The following LRRC7 variants were observed in gnomAD, a reference collection of about 807,000 sequenced individuals.
LRRC7 encodes the protein leucine-rich repeat-containing protein 7.
In LRRC7, 23 loss-of-function variants were observed where a neutral mutation model predicts 175.7. The ratio of observed to expected loss-of-function variants is 0.13; its 90% confidence interval spans 0.09 to 0.19. LRRC7 has a LOEUF of 0.19. Among genes scored for constraint, LRRC7 ranks in the 10% least tolerant of loss-of-function variants. The pLI is 1.00. For missense variants in LRRC7, 1,354 were observed against 1,904.7 expected (o/e 0.71, Z 5.38); for synonymous variants, 685 against 680.9 (o/e 1.01, Z -0.09).
At chr1:69,760,955 G>GCA (rs1399863143) in intron 3 of LRRC7, among the ~76,000 whole-genome samples, 2 of 117,148 alleles carry the variant, frequency 1.7e-5, no homozygotes, top group African/African-American at 3.5e-5. Context: ...CAAACTTTGT[G>GCA]CACATACACA....
chr1:69,933,727 G>A (rs181699428), intron 8 of LRRC7, among the ~76,000 whole-genome samples: 12 of 152,146 alleles, frequency 7.9e-5, no homozygotes, highest in South Asian at 4.2e-4. Context: ...TGTGTGAATC[G>A]GTATTTTACT....
intron 25 of LRRC7, among the ~76,000 whole-genome samples, chr1:70,106,093 A>C (rs1265800195): frequency 6.6e-6 from 1 of 152,166 alleles, no homozygotes; most frequent in Non-Finnish European, 1.5e-5. Context: ...AACAAGCAAG[A>C]ATATCAAAAT....
At chr1:69,641,326 C>T (rs1306274157) in intron 1 of LRRC7, among the ~76,000 whole-genome samples, 1 of 151,576 alleles carries the variant, frequency 6.6e-6, no homozygotes, top group East Asian at 1.9e-4. Context: ...ATGGGCAGTA[C>T]TTTAAGTTTG....
rs983237808 is a variant in LRRC7, at chr1:70,138,605, A to C, written c.*16718A>C. ...ACCTCATAGAAAGTTGAGAGGATTAATCAAATTGTTTCAAAATTTTTAAGG... is the reference window on the plus strand; with the variant it reads ...ACCTCATAGAAAGTTGAGAGGATTACTCAAATTGTTTCAAAATTTTTAAGG... On this transcript the variant is annotated 3_prime_UTR_variant, in exon 27 of 27. Coordinates refer to ENST00000651989, the MANE Select transcript of LRRC7 (RefSeq NM_001370785.2). 6.6e-6 allele frequency: 1 copy of C among 152,244 alleles called. No individual in the cohort carries two copies. The highest frequency in any genetic ancestry group is 1.5e-5 in the Non-Finnish European group (1 of 68,030). The allele number at this position is 152,244 out of a possible 1,614,324, so 9.4% of individuals were successfully genotyped here. A position where few individuals can be genotyped will look rare whatever the true frequency, so the allele number is the denominator to read the frequency against.
intron 1 of LRRC7, among the ~76,000 whole-genome samples, chr1:69,577,916 G>A (rs1646024173): frequency 6.6e-6 from 1 of 152,092 alleles, no homozygotes; most frequent in African/African-American, 2.4e-5. Flanking sequence ...ATTCTTTGAA[G>A]AAAGTCATTG....
intron 23 of LRRC7, among the ~76,000 whole-genome samples, chr1:70,061,422 G>A (rs1661568171): frequency 6.6e-6 from 1 of 152,110 alleles, no homozygotes; most frequent in South Asian, 2.1e-4. Flanking sequence ...TATAAAGGCT[G>A]CATTGGTTTC....
chr1:69,903,435 G>A (rs1646196514), intron 7 of LRRC7, among the ~76,000 whole-genome samples: 1 of 152,274 alleles, frequency 6.6e-6, no homozygotes, highest in South Asian at 2.1e-4. Context: ...GAGGGACGGT[G>A]CACTCTGGCC....
intron 5 of LRRC7, among the ~76,000 whole-genome samples, chr1:69,833,691 A>C (rs985831223): frequency 1.3e-5 from 2 of 152,016 alleles, no homozygotes; most frequent in Admixed American, 6.6e-5. Flanking sequence ...AGGAGAGAAC[A>C]AGCAGTGATG....
At chr1:69,694,189 G>T (rs1415388937) in intron 2 of LRRC7, among the ~76,000 whole-genome samples, 3 of 152,102 alleles carry the variant, frequency 2.0e-5, no homozygotes, top group Non-Finnish European at 2.9e-5. Context: ...TAATTCCTGA[G>T]ATTTCTAGAG....
intron 26 of LRRC7, 91 bp from the exon 27 acceptor site, chr1:70,121,689 G>C: frequency 1.3e-6 from 1 of 781,554 alleles, no homozygotes; most frequent in East Asian, 2.7e-5. Flanking sequence ...ACTTTTTGTT[G>C]CTCAGTGCTC....
Position 70,138,433 on chromosome 1 carries a change from C to T in LRRC7, c.*16546C>T, listed in dbSNP as rs1174904897. The T allele has an allele frequency of 4.6e-5, 7 of 152,026 alleles. No individual in the cohort carries two copies. In the East Asian group the frequency reaches 1.2e-3, roughly 25 times the overall value. 9.4% of individuals were successfully genotyped at this position (152,026 alleles called of 1,614,324 possible). ...AAGTCTTTTTTTAAAATTCCAAATA[C>T]TTGTGGTAGTAGAAAGCAATAAATA... On this transcript the variant is annotated 3_prime_UTR_variant, in exon 27 of 27. Coordinates refer to ENST00000651989, the MANE Select transcript of LRRC7 (RefSeq NM_001370785.2).
intron 17 of LRRC7, 55 bp from the exon 18 acceptor site, chr1:70,028,116 T>G (rs550456814): frequency 6.9e-7 from 1 of 1,452,608 alleles, no homozygotes; most frequent in African/African-American, 1.4e-5. Context: ...GATAGTTTTG[T>G]GAACATGCTT....
At chr1:70,121,289 G>C (rs903656197) in intron 26 of LRRC7, among the ~76,000 whole-genome samples, 1 of 152,036 alleles carries the variant, frequency 6.6e-6, no homozygotes, top group African/African-American at 2.4e-5. Flanking sequence ...TAATGTAAAA[G>C]TGTATAAACC....
intron 25 of LRRC7, among the ~76,000 whole-genome samples, chr1:70,093,515 T>C (rs1664175675): frequency 6.6e-6 from 1 of 152,170 alleles, no homozygotes; most frequent in Non-Finnish European, 1.5e-5. Context: ...TACATGCCTC[T>C]ATCTGCAAAT....
At chr1:69,781,964 GA>G in intron 3 of LRRC7, among the ~76,000 whole-genome samples, 1 of 148,548 alleles carries the variant, frequency 6.7e-6, no homozygotes, top group East Asian at 2.0e-4. Context: ...AAGAAAGAAA[GA>G]AAAAGAAAGA....
intron 5 of LRRC7, among the ~76,000 whole-genome samples, chr1:69,833,421 G>A (rs1680751332): frequency 6.6e-6 from 1 of 152,088 alleles, no homozygotes; most frequent in African/African-American, 2.4e-5. Context: ...ATGTAGACAG[G>A]GAGGGACACC....
Position 70,124,237 on chromosome 1 carries a change from C to T in LRRC7, c.*2350C>T, listed in dbSNP as rs1666342759. On this transcript the variant is annotated 3_prime_UTR_variant, in exon 27 of 27. Coordinates refer to ENST00000651989, the MANE Select transcript of LRRC7 (RefSeq NM_001370785.2). ...GAGAACAGGCAGGTAATAATGAAAACAGGCAGGCCAGGCGTGGTGGCTCAC... is the reference window on the plus strand; with the variant it reads ...GAGAACAGGCAGGTAATAATGAAAATAGGCAGGCCAGGCGTGGTGGCTCAC... Among the ~76,000 whole-genome samples the T allele has an allele frequency of 6.6e-6, 1 of 152,170 alleles. No individual in the cohort carries two copies. Among genetic ancestry groups the T allele is most frequent in the South Asian group, 2.1e-4 (1 of 4,832 alleles).
At chr1:69,599,630 G>A (rs927149230) in intron 1 of LRRC7, among the ~76,000 whole-genome samples, 3 of 152,184 alleles carry the variant, frequency 2.0e-5, no homozygotes, top group Admixed American at 2.0e-4. Context: ...TGAAGCTTGG[G>A]TTATATAGCC....
At chr1:69,624,362 T>C (rs532880366) in intron 1 of LRRC7, among the ~76,000 whole-genome samples, 9 of 152,148 alleles carry the variant, frequency 5.9e-5, no homozygotes, top group Non-Finnish European at 1.2e-4. Context: ...TATATATATG[T>C]ATATATGACA....
Sources: allele counts gnomAD v4.1 joint callset (sites outside exome capture counted in the v4.1 genomes callset), GRCh38; gene constraint gnomAD v4.1.1; transcripts MANE v1.5; gene names NCBI Gene and HGNC (gene_info 2026-07-23, HGNC 2026-07-21).